DCAF8L2: variants seen among roughly 807,000 people sequenced by gnomAD.
DCAF8L2 encodes DDB1 and CUL4 associated factor 8 like 2.
For missense variants in DCAF8L2, 430 were observed against 490.7 expected (o/e 0.88, Z 1.17); for synonymous variants, 200 against 190.9 (o/e 1.05, Z -0.39).
intron 3 of DCAF8L2, among the ~76,000 whole-genome samples, chrX:27,678,537 G>T (rs767179506): frequency 8.9e-6 from 1 of 112,228 alleles, no homozygotes; most frequent in South Asian, 3.6e-4. Flanking sequence ...CTACAACATG[G>T]AAACAACATG....
the DCAF8L2 span, among the ~76,000 whole-genome samples, chrX:27,536,736 G>A: frequency 1.8e-5 from 2 of 110,810 alleles, no homozygotes; most frequent in East Asian, 2.9e-4. Context: ...TACATGAACC[G>A]AAGAGGCCCA....
intron 4 of DCAF8L2, among the ~76,000 whole-genome samples, chrX:27,717,651 T>G (rs960968819): frequency 4.4e-5 from 5 of 112,509 alleles, no homozygotes; most frequent in Non-Finnish European, 9.4e-5. Flanking sequence ...GTGGACAGAT[T>G]GCAAAGATTT....
At chrX:27,493,527 G>A in the DCAF8L2 span, among the ~76,000 whole-genome samples, 2 of 108,412 alleles carry the variant, frequency 1.8e-5, no homozygotes, top group African/African-American at 3.4e-5. Flanking sequence ...CCTGGCCAAC[G>A]TGACGAAACC....
At chrX:27,511,768 G>T in the DCAF8L2 span, among the ~76,000 whole-genome samples, 78 of 112,027 alleles carry the variant, frequency 7.0e-4, no homozygotes, top group South Asian at 0.028. Flanking sequence ...GGCAACTTAT[G>T]TAGATAAAAA....
chrX:27,480,046 G>A, the DCAF8L2 span, among the ~76,000 whole-genome samples: 16 of 112,490 alleles, frequency 1.4e-4, no homozygotes, highest in African/African-American at 4.8e-4. Flanking sequence ...CTCCAAACAT[G>A]TTAAGAGTAC....
intron 3 of DCAF8L2, among the ~76,000 whole-genome samples, chrX:27,679,267 G>A (rs1930242991): frequency 9.0e-6 from 1 of 111,160 alleles, no homozygotes; most frequent in South Asian, 3.8e-4. Context: ...TAATGCTGTG[G>A]TAGTTCATTT....
the DCAF8L2 span, chrX:27,517,864 A>G: frequency 3.7e-6 from 4 of 1,078,454 alleles, no homozygotes. Flanking sequence ...CATTCTCAGC[A>G]TGAAGAACAT....
intron 4 of DCAF8L2, among the ~76,000 whole-genome samples, chrX:27,725,729 A>G (rs1385621686): frequency 1.8e-5 from 2 of 110,326 alleles, no homozygotes; most frequent in African/African-American, 6.5e-5. Context: ...AAATTAAATT[A>G]TAAATAAATA....
chrX:27,741,047 T>A (rs192478506), intron 4 of DCAF8L2, among the ~76,000 whole-genome samples: 6 of 111,786 alleles, frequency 5.4e-5, no homozygotes, highest in Non-Finnish European at 1.1e-4. Context: ...AGAATGGAAA[T>A]ATATAAAGTG....
At chrX:27,490,588 A>G in the DCAF8L2 span, among the ~76,000 whole-genome samples, 3 of 109,972 alleles carry the variant, frequency 2.7e-5, no homozygotes, top group Non-Finnish European at 5.7e-5. Context: ...CAGCCTCCCG[A>G]GTAGCTGGGA....
chrX:27,547,893 C>T, the DCAF8L2 span, among the ~76,000 whole-genome samples: 1 of 86,014 alleles, frequency 1.2e-5, no homozygotes. Context: ...CTCTCTCTTT[C>T]TCTCTCTCTC....
intron 2 of DCAF8L2, among the ~76,000 whole-genome samples, chrX:27,649,217 C>T (rs149119290): frequency 0.049 from 5,514 of 111,964 alleles, 124 homozygotes; most frequent in Non-Finnish European, 0.075. Flanking sequence ...CAGTGTTGGG[C>T]ACCTAAGTTG....
In DCAF8L2 at chrX:27,749,174, T is replaced by C. The variant is rs762937950; in HGVS notation, c.*383T>C. On this transcript the variant is annotated 3_prime_UTR_variant, in exon 5 of 5. Transcript: ENST00000451261. ...CTCAAATCTGACAGTCTGAAAACGG[T>C]TACCTTTTTACTTTTTTTCATCTTT... 8.9e-6 allele frequency among the ~76,000 whole-genome samples: 1 copy of C among 112,041 alleles called. No homozygotes were observed. The highest frequency in any genetic ancestry group is 1.9e-5 in the Non-Finnish European group (1 of 53,261).
intron 1 of DCAF8L2, among the ~76,000 whole-genome samples, chrX:27,614,547 G>C (rs1435779443): frequency 1.8e-5 from 2 of 110,701 alleles, no homozygotes; most frequent in African/African-American, 6.6e-5. Context: ...GTGATGTTAG[G>C]GTGTTGATTT....
the DCAF8L2 span, among the ~76,000 whole-genome samples, chrX:27,550,002 A>G: frequency 2.7e-5 from 3 of 111,865 alleles, no homozygotes; most frequent in African/African-American, 6.5e-5. Context: ...TTGCAACTTT[A>G]TTGCAGTTCA....
the DCAF8L2 span, among the ~76,000 whole-genome samples, chrX:27,485,945 TGTGGTAGAAA>T: frequency 6.4e-5 from 6 of 93,932 alleles, no homozygotes; most frequent in South Asian, 4.8e-4. Context: ...TTTTTTTTTT[TGTGGTAGAAA>T]TTCTTTAGCA....
the DCAF8L2 span, among the ~76,000 whole-genome samples, chrX:27,500,025 G>A: frequency 9.0e-6 from 1 of 111,718 alleles, no homozygotes; most frequent in Middle Eastern, 4.6e-3. Context: ...GATACCATAT[G>A]CAGGAAATCT....
At chrX:27,705,781 CTTTAG>C (rs1341819538) in intron 3 of DCAF8L2, among the ~76,000 whole-genome samples, 7 of 111,844 alleles carry the variant, frequency 6.3e-5, no homozygotes, top group Admixed American at 1.9e-4. Flanking sequence ...TGCAGAAGCC[CTTTAG>C]TTTAATTAGA....
chrX:27,728,825 CA>C (rs1272808254), intron 4 of DCAF8L2, among the ~76,000 whole-genome samples: 1 of 111,984 alleles, frequency 8.9e-6, no homozygotes, highest in Non-Finnish European at 1.9e-5. Context: ...CCCATCCAGT[CA>C]TTCCTATCCT....
Sources: allele counts gnomAD v4.1 joint callset (sites outside exome capture counted in the v4.1 genomes callset), GRCh38; gene constraint gnomAD v4.1.1; transcripts MANE v1.5; gene names NCBI Gene and HGNC (gene_info 2026-07-23, HGNC 2026-07-21).